DOCK5: variants seen among roughly 807,000 people sequenced by gnomAD.
The protein encoded by DOCK5 is dedicator of cytokinesis 5.
A neutral mutation model predicts 251.8 loss-of-function variants in DOCK5; 142 were observed. The observed-to-expected ratio is 0.56, with a 90% CI of 0.49 to 0.65. The LOEUF is 0.65. Ranked by LOEUF, DOCK5 falls within the 30% of genes least tolerant of loss-of-function variation. The pLI is 0.00. For missense variants in DOCK5, 2,111 were observed against 2,312.3 expected, an observed-to-expected ratio of 0.91 and a Z score of 1.79; for synonymous variants, 842 against 835.5, an observed-to-expected ratio of 1.01 and a Z score of -0.13.
intron 3 of DOCK5, 37 bp downstream of exon 3, chr8:25,268,922 ATCTG>A (rs1395728696): frequency 6.6e-7 from 1 of 1,506,168 alleles, no homozygotes; most frequent in Non-Finnish European, 9.0e-7. Context: ...TTCATTTGAA[ATCTG>A]TCTGCTAGTT....
intron 16 of DOCK5, among the ~76,000 whole-genome samples, chr8:25,323,466 C>CA (rs1805478307): frequency 6.6e-6 from 1 of 151,988 alleles, no homozygotes; most frequent in African/African-American, 2.4e-5. Flanking sequence ...CTGGGAAGGT[C>CA]TTGTAGAAAT....
chr8:25,350,796 G>A (rs1000806789), intron 26 of DOCK5, among the ~76,000 whole-genome samples: 10 of 152,234 alleles, frequency 6.6e-5, no homozygotes, highest in Admixed American at 3.3e-4. Context: ...CATTTATCCC[G>A]TCAGTCCAGG....
intron 5 of DOCK5, among the ~76,000 whole-genome samples, chr8:25,289,703 G>A (rs576210150): frequency 2.4e-4 from 37 of 151,984 alleles, no homozygotes; most frequent in African/African-American, 8.7e-4. Flanking sequence ...TTAGCTGGGC[G>A]TGGTGGCGCA....
rs193082074 is a variant in DOCK5, at chr8:25,410,159, C to A, written c.5465C>A (p.Pro1822His). ...ACTCCTGTCCCACCTCCACCTCCCC[C>A]CAAAAGCAAGCCCTATGAAGGCAGC... is the stretch of plus-strand genomic sequence containing the variant. ...AATPVPPPPP[P>H]KSKPYEGSQR... is the part of the protein sequence containing the mutation. The change falls in exon 51 of 52, where the codon CCC becomes CAC. Residue 1822 changes from proline (P) to histidine (H), a missense_variant. Pro to His is a moderately conservative substitution (Grantham distance 77). This residue lies in a region of DOCK5 where 1,717 missense variants were observed against 1,892.4 expected (regional missense o/e 0.91). Coordinates refer to ENST00000276440, the MANE Select transcript of DOCK5 (RefSeq NM_024940.8). The A allele has an allele frequency of 1.1e-4, 177 of 1,613,684 alleles. No homozygotes were observed. The highest frequency in any genetic ancestry group is 1.1e-3 in the Admixed American group (64 of 59,956).
At chr8:25,197,497 G>A (rs1194158811) in intron 1 of DOCK5, among the ~76,000 whole-genome samples, 2 of 150,668 alleles carry the variant, frequency 1.3e-5, no homozygotes, top group Non-Finnish European at 2.9e-5. Context: ...TTCCACAGCT[G>A]ATTAAACCCT....
chr8:25,298,853 T>C (rs1804683409), intron 7 of DOCK5, 91 bp from the exon 8 acceptor site: 1 of 1,384,132 alleles, frequency 7.2e-7, no homozygotes. Flanking sequence ...TTGTCTGCCA[T>C]TTGCAGGCTT....
At chr8:25,288,446 C>G (rs1407176064) in intron 5 of DOCK5, among the ~76,000 whole-genome samples, 2 of 152,160 alleles carry the variant, frequency 1.3e-5, no homozygotes, top group Non-Finnish European at 2.9e-5. Flanking sequence ...CCTTGGGGGA[C>G]AAAGTTGGCA....
chr8:25,310,546 A>G lies in DOCK5; in HGVS notation c.1318+14A>G, dbSNP rs780565018. 33 of 1,598,994 alleles carry G rather than the reference A, an allele frequency of 2.1e-5. No homozygotes were observed. Among genetic ancestry groups the G allele is most frequent in the East Asian group, 4.5e-5 (2 of 44,640 alleles). ...TCATACTGCCAGGTAAGCACTTTGC[A>G]TGGCTCACCTGTTTGCTTCCTCCTG... On this transcript the variant is annotated intron_variant, in intron 13 of 51. Transcript: ENST00000276440.
At chr8:25,185,445 C>T (rs1456295379) in intron 1 of DOCK5, among the ~76,000 whole-genome samples, 1 of 152,188 alleles carries the variant, frequency 6.6e-6, no homozygotes, top group Non-Finnish European at 1.5e-5. Context: ...GAAAGCCGCC[C>T]TGCCCCCTTT....
chr8:25,197,334 C>T (rs896489974), intron 1 of DOCK5, among the ~76,000 whole-genome samples: 30 of 152,166 alleles, frequency 2.0e-4, no homozygotes, highest in Middle Eastern at 3.2e-3. Flanking sequence ...CTCACTCAAA[C>T]GATTGTCTGA....
intron 12 of DOCK5, 59 bp from the exon 13 acceptor site, chr8:25,310,348 A>G: frequency 2.0e-6 from 3 of 1,509,736 alleles, no homozygotes; most frequent in Non-Finnish European, 2.7e-6. Context: ...CTCACCAGTT[A>G]CGCATGTGTT....
chr8:25,245,732 G>T (rs1428283181), intron 2 of DOCK5, among the ~76,000 whole-genome samples: 1 of 151,986 alleles, frequency 6.6e-6, no homozygotes, highest in African/African-American at 2.4e-5. Flanking sequence ...TAGAGACGGG[G>T]TTTCATCATG....
intron 14 of DOCK5, 63 bp from the exon 15 acceptor site, chr8:25,319,515 A>G: frequency 8.6e-7 from 1 of 1,163,578 alleles, no homozygotes; most frequent in Non-Finnish European, 1.2e-6. Context: ...TGCATGGTAT[A>G]TGGGGTCCTC....
intron 23 of DOCK5, among the ~76,000 whole-genome samples, chr8:25,341,281 C>A (rs1805948823): frequency 6.6e-6 from 1 of 152,130 alleles, no homozygotes; most frequent in African/African-American, 2.4e-5. Context: ...GATCCCAATG[C>A]ACTACAGGTG....
chr8:25,328,392 A>G (rs1021090741), intron 18 of DOCK5, among the ~76,000 whole-genome samples: 1 of 152,190 alleles, frequency 6.6e-6, no homozygotes, highest in Non-Finnish European at 1.5e-5. Context: ...TGGCAAAGGC[A>G]TCACGAGCAT....
intron 7 of DOCK5, among the ~76,000 whole-genome samples, chr8:25,298,371 A>G (rs1186232671): frequency 6.6e-6 from 1 of 152,178 alleles, no homozygotes; most frequent in Non-Finnish European, 1.5e-5. Flanking sequence ...TTCAGAAGCT[A>G]TTGTGTAAGA....
intron 47 of DOCK5, among the ~76,000 whole-genome samples, chr8:25,402,357 C>A (rs1801453317): frequency 6.6e-6 from 1 of 152,026 alleles, no homozygotes; most frequent in African/African-American, 2.4e-5. Flanking sequence ...AGTGCAGTGG[C>A]ACGATCTCAG....
rs1802144048 is a variant in DOCK5 at position 25,213,136 on chromosome 8, G to GAAGGA, written c.43+28185_43+28186insAAGGA. Reference sequence around the variant, plus strand: ...AATGGAAGATGGAAAGTTAAACCTTGGGCTCAGTGGGCGTCTAATCAAGAG... The same window carrying GAAGGA: ...AATGGAAGATGGAAAGTTAAACCTTGAAGGAGGCTCAGTGGGCGTCTAATCAAGAG... On this transcript the variant is annotated intron_variant, in intron 1 of 51. Transcript: ENST00000276440. Among the ~76,000 whole-genome samples, 2 of 18,484 alleles carry GAAGGA rather than the reference G, an allele frequency of 1.1e-4. 1 individual carries two copies. The highest frequency in any genetic ancestry group is 9.0e-4 in the Non-Finnish European group (2 of 2,220). 12.1% of individuals were successfully genotyped at this position (18,484 alleles called of 152,430 possible).
intron 6 of DOCK5, among the ~76,000 whole-genome samples, chr8:25,295,241 C>T (rs574912338): frequency 7.2e-5 from 11 of 151,930 alleles, no homozygotes; most frequent in Middle Eastern, 3.4e-3. Flanking sequence ...GAGTTCAAGA[C>T]TAGCCTGGGC....
Sources: allele counts gnomAD v4.1 joint callset (sites outside exome capture counted in the v4.1 genomes callset), GRCh38; gene constraint gnomAD v4.1.1; regional missense constraint gnomAD v4.1.1; transcripts MANE v1.5; gene names NCBI Gene and HGNC (gene_info 2026-07-23, HGNC 2026-07-21).